Variants in ATP8B4 observed in about 807,000 individuals in gnomAD.
ATP8B4 encodes the protein ATPase phospholipid transporting 8B4 (putative), also known as probable phospholipid-transporting ATPase IM.
In ATP8B4, 133 loss-of-function variants were observed where a neutral mutation model predicts 145.6. The observed-to-expected ratio is 0.91, with a 90% CI of 0.79 to 1.05. The LOEUF is 1.05. Among genes scored for constraint, ATP8B4 ranks in the 50% least tolerant of loss-of-function variants. The pLI is 0.00. For synonymous variants in ATP8B4, 507 were observed against 492.9 expected (o/e 1.03, Z -0.38); for missense variants, 1,458 against 1,425.2 (o/e 1.02, Z -0.37).
At chr15:49,907,944 T>C (rs1271905711) in intron 20 of ATP8B4, 3 of 413,114 alleles carry the variant, frequency 7.3e-6, no homozygotes, top group African/African-American at 6.2e-5. Flanking sequence ...AAATCTGAGG[T>C]ATGTTTAGGG....
At chr15:50,053,265 T>TA (rs2052331871) in intron 3 of ATP8B4, among the ~76,000 whole-genome samples, 1 of 152,204 alleles carries the variant, frequency 6.6e-6, no homozygotes, top group Non-Finnish European at 1.5e-5. Context: ...CTTACTAACT[T>TA]ACACGAGTTG....
chr15:49,897,518 A>G lies in ATP8B4; in HGVS notation c.2474-3T>C. ...GATGCCAACACCAATGTGAGCACCT[A>G]CAAAGGAAAGAGGAACACTGTCACT... On this transcript the variant is annotated splice_region_variant and splice_polypyrimidine_tract_variant and intron_variant, in intron 22 of 27. Coordinates refer to ENST00000284509, the MANE Select transcript of ATP8B4 (RefSeq NM_024837.4). The G allele has an allele frequency of 1.3e-6, 2 of 1,523,584 alleles. No homozygotes were observed. Among genetic ancestry groups the G allele is most frequent in the Non-Finnish European group, 1.8e-6 (2 of 1,135,410 alleles). The allele number at this position is 1,523,584 out of a possible 1,614,324, so 94.4% of individuals were successfully genotyped here. A position where few individuals can be genotyped will look rare whatever the true frequency, so the allele number is the denominator to read the frequency against.
intron 1 of ATP8B4, among the ~76,000 whole-genome samples, chr15:50,164,294 G>C (rs2044564866): frequency 6.6e-6 from 1 of 152,180 alleles, no homozygotes. Flanking sequence ...AGCAAATACC[G>C]TCTGGCTACC....
intron 6 of ATP8B4, among the ~76,000 whole-genome samples, chr15:50,035,653 G>A (rs2050780110): frequency 6.6e-6 from 1 of 152,086 alleles, no homozygotes; most frequent in Non-Finnish European, 1.5e-5. Context: ...TCTGAATGTA[G>A]CCACCCACCA....
chr15:49,989,086 G>A (rs1024926056), intron 9 of ATP8B4, among the ~76,000 whole-genome samples: 2 of 152,150 alleles, frequency 1.3e-5, no homozygotes, highest in Non-Finnish European at 2.9e-5. Flanking sequence ...CTGCTGGCAG[G>A]AGGATTTGGA....
chr15:50,061,016 C>A (rs1239591191), intron 3 of ATP8B4, among the ~76,000 whole-genome samples: 3 of 152,070 alleles, frequency 2.0e-5, no homozygotes, highest in African/African-American at 7.2e-5. Flanking sequence ...AGACTATGAA[C>A]TTTAGGAGGT....
At chr15:49,932,196 T>C (rs1384558421) in intron 15 of ATP8B4, among the ~76,000 whole-genome samples, 1 of 152,056 alleles carries the variant, frequency 6.6e-6, no homozygotes, top group Non-Finnish European at 1.5e-5. Context: ...GGCTATACTA[T>C]GAGTTCTTTT....
chr15:49,985,277 T>C lies in ATP8B4; in HGVS notation c.748+2114A>G, dbSNP rs188727422. ...ACGCCTGGCTAATTTTTTGTATTTT[T>C]AGTAGAGATGGGGTTTCACCATGTT... On this transcript the variant is annotated intron_variant, in intron 10 of 27. Coordinates refer to ENST00000284509, the MANE Select transcript of ATP8B4 (RefSeq NM_024837.4). Among the ~76,000 whole-genome samples, 751 of 152,132 alleles carry C rather than the reference T, an allele frequency of 4.9e-3. 9 individuals are homozygous for C. Among genetic ancestry groups the C allele is most frequent in the African/African-American group, 0.018 (734 of 41,512 alleles).
At chr15:49,969,081 A>G (rs973484828) in intron 13 of ATP8B4, among the ~76,000 whole-genome samples, 2 of 152,248 alleles carry the variant, frequency 1.3e-5, no homozygotes, top group Non-Finnish European at 2.9e-5. Context: ...ACCAATGAGA[A>G]CAAAGAAACG....
intron 14 of ATP8B4, among the ~76,000 whole-genome samples, chr15:49,935,416 A>T (rs1229091843): frequency 6.6e-6 from 1 of 152,126 alleles, no homozygotes; most frequent in Non-Finnish European, 1.5e-5. Context: ...ACTTTGCCAT[A>T]ACAACTCCTT....
chr15:49,934,765 A>G (rs1169670442), intron 14 of ATP8B4, among the ~76,000 whole-genome samples: 2 of 152,170 alleles, frequency 1.3e-5, no homozygotes, highest in African/African-American at 4.8e-5. Flanking sequence ...CTGGCTCCAA[A>G]GTTTTCGATA....
chr15:49,987,307 T>C (rs2046696086), intron 10 of ATP8B4, 84 bp downstream of exon 10: 2 of 1,473,980 alleles, frequency 1.4e-6, no homozygotes, highest in South Asian at 2.6e-5. Context: ...ACTGCGCTCA[T>C]CAGAACACAG....
intron 13 of ATP8B4, among the ~76,000 whole-genome samples, chr15:49,964,712 T>C (rs981835769): frequency 2.0e-5 from 3 of 152,220 alleles, no homozygotes; most frequent in Non-Finnish European, 4.4e-5. Context: ...CAAGCTATCA[T>C]GGGATTTGTG....
intron 1 of ATP8B4, among the ~76,000 whole-genome samples, chr15:50,144,085 A>G (rs1007787973): frequency 2.0e-5 from 3 of 152,182 alleles, no homozygotes; most frequent in Admixed American, 6.5e-5. Context: ...TTGTTTTACC[A>G]AAGGAAACAT....
At chr15:50,156,723 A>C (rs928743767) in intron 1 of ATP8B4, among the ~76,000 whole-genome samples, 1 of 152,206 alleles carries the variant, frequency 6.6e-6, no homozygotes, top group Non-Finnish European at 1.5e-5. Context: ...TTAAATGTGC[A>C]AGAGAATGGA....
intron 6 of ATP8B4, among the ~76,000 whole-genome samples, chr15:50,016,433 G>T (rs1358499464): frequency 1.3e-5 from 2 of 152,178 alleles, no homozygotes; most frequent in Non-Finnish European, 2.9e-5. Context: ...TTGGATTCCT[G>T]GGTAGTAGAT....
intron 16 of ATP8B4, among the ~76,000 whole-genome samples, chr15:49,924,635 G>A (rs1174326168): frequency 1.3e-5 from 2 of 151,928 alleles, no homozygotes; most frequent in African/African-American, 4.8e-5. Context: ...CTCTACCCCA[G>A]TCTACACTTA....
chr15:49,988,542 T>A (rs867177408), intron 9 of ATP8B4, among the ~76,000 whole-genome samples: 5 of 151,924 alleles, frequency 3.3e-5, no homozygotes, highest in East Asian at 1.9e-4. Flanking sequence ...AGGGGTGAGA[T>A]TAGTACCTAC....
intron 1 of ATP8B4, among the ~76,000 whole-genome samples, chr15:50,157,801 C>T (rs1057267109): frequency 6.6e-6 from 1 of 152,214 alleles, no homozygotes; most frequent in African/African-American, 2.4e-5. Flanking sequence ...CCCTCTGATG[C>T]CAAGCCAAAG....
Sources: gnomAD v4.1 joint callset for allele counts (sites outside exome capture counted in the v4.1 genomes callset) on GRCh38, gnomAD v4.1.1 for gene constraint, MANE v1.5 for transcripts, NCBI Gene and HGNC (gene_info 2026-07-23, HGNC 2026-07-21) for gene names.